Variants in DDX60 observed in about 807,000 individuals in gnomAD.
DDX60 encodes DExD/H-box helicase 60.
In DDX60, 165 loss-of-function variants were observed where a neutral mutation model predicts 212.8. The observed-to-expected ratio is 0.78, with a 90% confidence interval of 0.68 to 0.88. The LOEUF is 0.88. Among genes scored for constraint, DDX60 ranks in the 40% least tolerant of loss-of-function variants. The pLI is 0.00. For synonymous variants in DDX60, 703 were observed against 685.3 expected, an observed-to-expected ratio of 1.03 and a Z score of -0.40; for missense variants, 1,905 against 2,003.9, an observed-to-expected ratio of 0.95 and a Z score of 0.94.
chr4:168,320,499 T>A (rs925109953), upstream of DDX60, among the ~76,000 whole-genome samples: 2 of 152,116 alleles, frequency 1.3e-5, no homozygotes, highest in Admixed American at 6.5e-5. Context: ...TCAGCCCTGA[T>A]AACACCTTGA....
At chr4:168,227,309 A>T (rs1305339743) in intron 33 of DDX60, among the ~76,000 whole-genome samples, 1 of 151,778 alleles carries the variant, frequency 6.6e-6, no homozygotes, top group African/African-American at 2.4e-5. Context: ...TGTATTTTCT[A>T]GGAATTTGCC....
chr4:168,325,451 A>C, the DDX60 span, among the ~76,000 whole-genome samples: 7 of 152,366 alleles, frequency 4.6e-5, no homozygotes, highest in African/African-American at 1.7e-4. Flanking sequence ...TATTAAATTT[A>C]TAAATCAGAA....
intron 19 of DDX60, among the ~76,000 whole-genome samples, chr4:168,271,489 C>G (rs578232029): frequency 6.6e-6 from 1 of 152,320 alleles, no homozygotes; most frequent in African/African-American, 2.4e-5. Context: ...TTGGAATCTC[C>G]TTTTGAGTTT....
In DDX60 at chr4:168,274,231, A is replaced by G. The variant is rs1009444224; in HGVS notation, c.2305-148T>C. ...AGGTCTCATGTCATTCTCTCAGAAG[A>G]GATCATTTTTATGCTTTTGAACATC... On this transcript the variant is annotated intron_variant, in intron 16 of 37. Coordinates refer to ENST00000393743, the MANE Select transcript of DDX60 (RefSeq NM_017631.6). The G allele has an allele frequency of 8.0e-5, 78 of 979,650 alleles. No homozygotes were observed. In the African/African-American group the frequency reaches 1.1e-3, roughly 14 times the overall value. The allele number at this position is 979,650 out of a possible 1,614,324, so 60.7% of individuals were successfully genotyped here.
chr4:168,240,913 T>C (rs12510197), intron 30 of DDX60, among the ~76,000 whole-genome samples: 3,400 of 152,296 alleles, frequency 0.022, 213 homozygotes, highest in East Asian at 0.15. Context: ...TTTGGCTGTG[T>C]ACCCACCCAA....
rs1295059235 is a variant in DDX60, at chr4:168,280,438, A to G, written c.1875T>C (p.Asp625=). The G allele has an allele frequency of 1.9e-6, 3 of 1,614,200 alleles. No individual in the cohort carries two copies. The highest frequency in any genetic ancestry group is 2.5e-6 in the Non-Finnish European group (3 of 1,180,018). Residue 625 remains aspartate (D), a synonymous_variant, in exon 14 of 38, where the codon GAT becomes GAC. Coordinates refer to ENST00000393743, the MANE Select transcript of DDX60 (RefSeq NM_017631.6). Reference sequence around the variant, plus strand: ...AGCTACTTTTACAGGATTTCAAAAAATCTTCCAGGCTCTTTATTCCAGAGT... The same window carrying G: ...AGCTACTTTTACAGGATTTCAAAAAGTCTTCCAGGCTCTTTATTCCAGAGT... ...NLHSGIKSLE[D]FLKSCKSSCV...
intron 6 of DDX60, 86 bp from the exon 7 acceptor site, chr4:168,294,031 G>A (rs1736231869): frequency 1.7e-6 from 2 of 1,187,382 alleles, no homozygotes; most frequent in East Asian, 5.1e-5. Context: ...GTACTACTAG[G>A]CTTAATACAT....
Position 168,219,419 on chromosome 4 carries a change from G to A in DDX60, c.5039+1236C>T, listed in dbSNP as rs1732970398. Among the ~76,000 whole-genome samples the A allele has an allele frequency of 2.0e-5, 3 of 152,272 alleles. No individual in the cohort carries two copies. The South Asian group carries it at 6.2e-4, about 32-fold the overall frequency. Reference sequence around the variant, plus strand: ...TTGATTGATTGATTTCCTTGCCCAAGTTTTTGAGACAGCTTCCAAGTCTGT... The same window carrying A: ...TTGATTGATTGATTTCCTTGCCCAAATTTTTGAGACAGCTTCCAAGTCTGT... On this transcript the variant is annotated intron_variant, in intron 37 of 37. Transcript: ENST00000393743.
intron 37 of DDX60, 22 bp from the exon 38 acceptor site, chr4:168,217,054 T>G: frequency 6.6e-7 from 1 of 1,505,788 alleles, no homozygotes; most frequent in Non-Finnish European, 9.2e-7. Flanking sequence ...GAAAAAAATA[T>G]AGGATCCACT....
chr4:168,252,473 AAT>A (rs1485675195), intron 27 of DDX60, 34 bp downstream of exon 27: 1 of 1,611,614 alleles, frequency 6.2e-7, no homozygotes, highest in East Asian at 2.2e-5. Context: ...TGACAAATGA[AAT>A]AGTTTGGAGA....
intron 30 of DDX60, among the ~76,000 whole-genome samples, chr4:168,239,662 C>A (rs1364223405): frequency 1.1e-4 from 17 of 151,964 alleles, no homozygotes; most frequent in Non-Finnish European, 8.8e-5. Context: ...ATGTATATGT[C>A]TCAGGGACGA....
intron 37 of DDX60, 92 bp from the exon 38 acceptor site, chr4:168,217,124 C>A: frequency 8.2e-6 from 6 of 731,988 alleles, no homozygotes; most frequent in Admixed American, 2.9e-5. Flanking sequence ...TAAGGAAATC[C>A]CATCAGATGA....
At chr4:168,271,976 C>T (rs1735119638) in intron 19 of DDX60, 67 bp downstream of exon 19, 3 of 1,285,340 alleles carry the variant, frequency 2.3e-6, no homozygotes, top group Non-Finnish European at 1.1e-6. Flanking sequence ...TCCTGAAACA[C>T]CAAATATCTT....
rs1735320518 is a variant in DDX60, at chr4:168,276,038, C to A, written c.2122G>T (p.Ala708Ser). The A allele has an allele frequency of 1.2e-6, 2 of 1,611,902 alleles. No individual in the cohort carries two copies. Among genetic ancestry groups the A allele is most frequent in the East Asian group, 4.5e-5 (2 of 44,780 alleles). ...ACCTGGGCTGGATGTAAAGAACTTGCCAACTCATCAAATCCTAAATACTTA... is the reference window on the plus strand; with the variant it reads ...ACCTGGGCTGGATGTAAAGAACTTGACAACTCATCAAATCCTAAATACTTA... The part of the protein sequence containing the change: ...CLKYLGFDEL[A>S]SSLHPAQDAE... The change falls in exon 15 of 38, where the codon GCA (alanine) becomes TCA (serine). Residue 708 changes from alanine to serine, a missense_variant. Ala to Ser is a moderately conservative substitution (Grantham distance 99, BLOSUM62 1). Coordinates refer to ENST00000393743, the MANE Select transcript of DDX60 (RefSeq NM_017631.6).
Position 168,274,068 on chromosome 4 carries a change from C to G in DDX60, c.2320G>C (p.Val774Leu). The stretch of plus-strand genomic sequence containing the variant: ...ACTGCTGACTCATTCTTATCCACAA[C>G]ATCAAGGAGCTCTCGCTGCAGGGTG... ...PDTWQRELLDVVDKNESAVIV... is the reference protein window; with the variant it reads ...PDTWQRELLDLVDKNESAVIV... The change falls in exon 17 of 38, where the codon GTT becomes CTT. Residue 774 changes from valine to leucine, a missense_variant. Coordinates refer to ENST00000393743, the MANE Select transcript of DDX60 (RefSeq NM_017631.6). The G allele has an allele frequency of 6.2e-7, 1 of 1,614,170 alleles. No individual in the cohort carries two copies. Among genetic ancestry groups the G allele is most frequent in the East Asian group, 2.2e-5 (1 of 44,874 alleles).
At chr4:168,307,699 A>G (rs1418328883) in intron 4 of DDX60, among the ~76,000 whole-genome samples, 2 of 152,126 alleles carry the variant, frequency 1.3e-5, no homozygotes, top group Non-Finnish European at 2.9e-5. Flanking sequence ...AAACAGAAAT[A>G]GTTCTCAGAG....
chr4:168,285,543 C>G (rs780113467), intron 10 of DDX60, 45 bp from the exon 11 acceptor site: 53 of 1,183,808 alleles, frequency 4.5e-5, no homozygotes, highest in South Asian at 1.5e-4. Context: ...AAATGTAAAG[C>G]TTTCAGACAG....
chr4:168,231,458 A>C (rs191338441), intron 33 of DDX60, among the ~76,000 whole-genome samples: 69 of 152,134 alleles, frequency 4.5e-4, no homozygotes, highest in African/African-American at 1.6e-3. Context: ...AAACGCAAAA[A>C]CCCTCAACAA....
chr4:168,232,696 T>C (rs553181961), intron 33 of DDX60, among the ~76,000 whole-genome samples: 43 of 152,158 alleles, frequency 2.8e-4, no homozygotes, highest in African/African-American at 9.9e-4. Context: ...TCTCACCTTA[T>C]ACAAAAATCA....
Sources: allele counts gnomAD v4.1 joint callset (sites outside exome capture counted in the v4.1 genomes callset), GRCh38; gene constraint gnomAD v4.1.1; transcripts MANE v1.5; gene names NCBI Gene and HGNC (gene_info 2026-07-23, HGNC 2026-07-21).